The following TSKS variants were observed in gnomAD, a reference collection of about 807,000 sequenced individuals.
TSKS encodes testis-specific serine kinase substrate.
A neutral mutation model predicts 68.0 loss-of-function variants in TSKS; 27 were observed. The ratio of observed to expected loss-of-function variants is 0.40; its 90% CI spans 0.29 to 0.55. The LOEUF (loss-of-function observed/expected upper bound fraction) is 0.55, where lower values mean the gene tolerates loss of function less well. Among genes scored for constraint, TSKS ranks in the 20% least tolerant of loss-of-function variants. The pLI is 0.53. For missense variants in TSKS, 806 were observed against 776.0 expected (o/e 1.04, Z -0.46); for synonymous variants, 331 against 340.4 (o/e 0.97, Z 0.30).
chr19:49,745,349 G>T lies in TSKS; in HGVS notation c.1040C>A (p.Ala347Glu). The T allele has an allele frequency of 6.3e-7, 1 of 1,595,132 alleles. No homozygotes were observed. The highest frequency in any genetic ancestry group is 8.5e-7 in the Non-Finnish European group (1 of 1,175,116). The change falls in exon 7 of 11, where the codon GCG (alanine) becomes GAG (glutamate). Residue 347 changes from alanine to glutamate, a missense_variant. By Grantham distance (107) the Ala-to-Glu change is moderately radical. Coordinates refer to ENST00000246801, the MANE Select transcript of TSKS (RefSeq NM_021733.2). ...GAGCAGCCGCAGGGCTTCCTGCACCGCCCCCTCCTCCTGATGCCACCGGGC... is the reference window on the plus strand; with the variant it reads ...GAGCAGCCGCAGGGCTTCCTGCACCTCCCCCTCCTCCTGATGCCACCGGGC... ...LTARWHQEEG[A>E]VQEALRLLGG...
chr19:49,744,439 T>C, intron 7 of TSKS, 35 bp from the exon 8 acceptor site: 1 of 1,595,980 alleles, frequency 6.3e-7, no homozygotes, highest in Admixed American at 1.7e-5. Flanking sequence ...CTGGGTCGTC[T>C]CTTCAGCGGT....
Position 49,746,475 on chromosome 19 carries a change from C to G in TSKS, c.987G>C (p.Glu329Asp). The G allele has an allele frequency of 6.2e-7, 1 of 1,613,938 alleles. No homozygotes were observed. The highest frequency in any genetic ancestry group is 8.5e-7 in the Non-Finnish European group (1 of 1,179,934). The change falls in exon 6 of 11, where the codon GAG becomes GAC. Residue 329 changes from glutamate to aspartate, a missense_variant. Physicochemically the swap from Glu to Asp is conservative, Grantham distance 45 (BLOSUM62 2). Transcript: ENST00000246801. ...CGCCCCTAGGTCCCGCCCACCTCAG[C>G]TCTTCGATGCCGGTGAACAGCTTCT... is the stretch of plus-strand genomic sequence containing the variant. ...ELQKLFTGIE[E>D]LRREVSSLTA... is the part of the protein sequence containing the mutation.
rs571540540 is a variant in TSKS, at chr19:49,753,454, C to T, written c.400-4985G>A. Among the ~76,000 whole-genome samples the T allele has an allele frequency of 4.4e-3, 661 of 151,806 alleles. 4 individuals carry two copies. The highest frequency in any genetic ancestry group is 7.9e-3 in the African/African-American group (328 of 41,406). ...GCGGGCGCCTGTAGTCCCAGCTACT[C>T]GGGAAGCTGAGGCAGGAGAATGGTG... On this transcript the variant is annotated intron_variant, in intron 2 of 10. Transcript: ENST00000246801.
In TSKS at chr19:49,763,226, T is replaced by TCTTCACCAC. The variant is rs775787127; in HGVS notation, c.13_21dup (p.Val5_Lys7dup). 9 of 1,517,484 alleles carry TCTTCACCAC rather than the reference T, an allele frequency of 5.9e-6. No homozygotes were observed. 94.0% of individuals were successfully genotyped at this position (1,517,484 alleles called of 1,614,324 possible). ...TGGATCTCTTTGGACTGCCAGATCG[T>TCTTCACCAC]CTTCACCACCACGCTCGCCATGGTG... On this transcript the variant is annotated inframe_insertion, in exon 1 of 11. Coordinates refer to ENST00000246801, the MANE Select transcript of TSKS (RefSeq NM_021733.2). The surrounding 1 kb of genome is among the most constrained non-coding windows in gnomAD (Gnocchi z 4.5).
At chr19:49,745,161 T>C (rs2084285547) in intron 7 of TSKS, 41 bp downstream of exon 7, 1 of 1,523,680 alleles carries the variant, frequency 6.6e-7, no homozygotes. Context: ...GGGATTGCCC[T>C]GCCCCTTCCG....
chr19:49,742,796 CAG>C (rs1050329675), intron 8 of TSKS, among the ~76,000 whole-genome samples: 24 of 151,994 alleles, frequency 1.6e-4, no homozygotes, highest in African/African-American at 5.8e-4. Context: ...CACGCCCAGC[CAG>C]AGTCACTATT....
At position 49,739,935 on chromosome 19, in the gene TSKS, G is replaced by T. The variant is rs1022547572; in HGVS notation, c.1623-3C>A. 6.8e-6 allele frequency: 11 copies of T among 1,609,602 alleles called. No individual in the cohort carries two copies. The highest frequency in any genetic ancestry group is 9.3e-6 in the Non-Finnish European group (11 of 1,176,698). ...GGTCCAGAGTGGCCATCTTCTCCCT[G>T]TCATGAGGCAGCGGGGAGTTGATGG... On this transcript the variant is annotated splice_region_variant and splice_polypyrimidine_tract_variant and intron_variant, in intron 10 of 10. Transcript: ENST00000246801.
intron 6 of TSKS, among the ~76,000 whole-genome samples, chr19:49,746,027 C>CA (rs1171759039): frequency 6.6e-6 from 1 of 151,974 alleles, no homozygotes; most frequent in African/African-American, 2.4e-5. Flanking sequence ...ACTAAAAATA[C>CA]AAAAAAATAG....
At chr19:49,758,880 G>T (rs1262850711) in intron 2 of TSKS, among the ~76,000 whole-genome samples, 2 of 151,060 alleles carry the variant, frequency 1.3e-5, no homozygotes, top group African/African-American at 4.9e-5. Context: ...TTTTTGAGAC[G>T]GAGTTTTGCT....
At chr19:49,746,297 C>T (rs1475403935) in intron 6 of TSKS, among the ~76,000 whole-genome samples, 173 bp downstream of exon 6, 1 of 151,830 alleles carries the variant, frequency 6.6e-6, no homozygotes, top group East Asian at 1.9e-4. Flanking sequence ...CCTCGAGGCT[C>T]CTCCCATGTT....
In TSKS at chr19:49,750,082, T is replaced by C. The variant is rs531016105; in HGVS notation, c.400-1613A>G. Among the ~76,000 whole-genome samples the C allele has an allele frequency of 4.6e-5, 7 of 152,118 alleles. No homozygotes were observed. The East Asian group carries it at 1.4e-3, about 29-fold the overall frequency. On this transcript the variant is annotated intron_variant, in intron 2 of 10. Transcript: ENST00000246801. ...TTGAGGGCTGTCTTGGACCAGCAGA[T>C]AGAGGACACAATGAAACAGAAGAAG...
At chr19:49,751,521 C>G (rs138833981) in intron 2 of TSKS, among the ~76,000 whole-genome samples, 1,773 of 152,140 alleles carry the variant, frequency 0.012, 10 homozygotes, top group Middle Eastern at 0.051. Flanking sequence ...ATCTCCCACT[C>G]CCTAGCTCAG....
intron 2 of TSKS, among the ~76,000 whole-genome samples, chr19:49,748,806 C>G (rs374450577): frequency 6.6e-6 from 1 of 151,996 alleles, no homozygotes. Context: ...GTGGCTCACT[C>G]TGGTAATCCC....
chr19:49,755,226 T>C (rs2084383649), intron 2 of TSKS, among the ~76,000 whole-genome samples: 2 of 151,884 alleles, frequency 1.3e-5, no homozygotes, highest in South Asian at 2.1e-4. Context: ...CTGAGAAACA[T>C]GAAAACAAAA....
chr19:49,746,529 C>T lies in TSKS; in HGVS notation c.933G>A (p.Glu311=). The change falls in exon 6 of 11, where the codon GAG becomes GAA. Residue 311 remains glutamate, a synonymous_variant. Coordinates refer to ENST00000246801, the MANE Select transcript of TSKS (RefSeq NM_021733.2). Reference sequence around the variant, plus strand: ...ATTCCTGCTCGCTCACGTAGGGGCCCTCGCCAGCCCGAGGCCCCATTCCCC... The same window carrying T: ...ATTCCTGCTCGCTCACGTAGGGGCCTTCGCCAGCCCGAGGCCCCATTCCCC... The part of the protein sequence containing the change: ...AGWGMGPRAG[E]GPYVSEQELQ... The T allele has an allele frequency of 6.2e-7, 1 of 1,613,750 alleles. No individual in the cohort carries two copies. Among genetic ancestry groups the T allele is most frequent in the Non-Finnish European group, 8.5e-7 (1 of 1,179,926 alleles).
chr19:49,740,011 T>G, intron 10 of TSKS, 48 bp downstream of exon 10: 1 of 1,612,580 alleles, frequency 6.2e-7, no homozygotes, highest in Non-Finnish European at 8.5e-7. Flanking sequence ...ATCAGGCCCT[T>G]TCCCCAAGAT....
At chr19:49,747,800 G>A (rs971526932) in intron 4 of TSKS, among the ~76,000 whole-genome samples, 5 of 151,992 alleles carry the variant, frequency 3.3e-5, no homozygotes, top group South Asian at 2.1e-4. Flanking sequence ...CTTCCACCTC[G>A]TGGATTCAAG....
At chr19:49,759,508 G>A (rs2084422533) in intron 2 of TSKS, among the ~76,000 whole-genome samples, 1 of 145,606 alleles carries the variant, frequency 6.9e-6, no homozygotes. Context: ...TGTGGCATGT[G>A]CCTGTAGTTA....
At position 49,748,162 on chromosome 19, in the gene TSKS, A is replaced by G. The variant is rs745733494; in HGVS notation, c.502T>C (p.Cys168Arg). ...TCCAGATTCTCGCTCAGCACAGAAC[A>G]CTCGCTCTGGAGCATGGAAGGAGGA... The part of the protein sequence containing the change: ...NQHVQSLQSE[C>R]SVLSENLERR... Residue 168 changes from cysteine (C) to arginine (R), a missense_variant, in exon 4 of 11, where the codon TGT becomes CGT. Coordinates refer to ENST00000246801, the MANE Select transcript of TSKS (RefSeq NM_021733.2). 27 of 1,614,026 alleles carry G rather than the reference A, an allele frequency of 1.7e-5. No individual in the cohort carries two copies. Among genetic ancestry groups the G allele is most frequent in the Non-Finnish European group, 2.1e-5 (25 of 1,179,990 alleles).
Sources: gnomAD v4.1 joint callset for allele counts (sites outside exome capture counted in the v4.1 genomes callset) on GRCh38, gnomAD v4.1.1 for gene constraint, Gnocchi (gnomAD v3.1) non-coding constraint, MANE v1.5 for transcripts, NCBI Gene and HGNC (gene_info 2026-07-23, HGNC 2026-07-21) for gene names.